The following NCOR2 variants were observed in gnomAD, a reference collection of about 807,000 sequenced individuals.
NCOR2 encodes nuclear receptor corepressor 2.
Under a neutral mutation model 262.9 loss-of-function variants are expected in NCOR2, and 81 were observed. The ratio of observed to expected loss-of-function variants is 0.31; its 90% CI spans 0.26 to 0.37. The LOEUF (loss-of-function observed/expected upper bound fraction) is 0.37, where lower values mean the gene tolerates loss of function less well. NCOR2 is among the 10% of genes least tolerant of loss of function. NCOR2 has a pLI of 1.00. For missense variants in NCOR2, 3,385 were observed against 3,621.4 expected, an observed-to-expected ratio of 0.93 and a Z score of 1.68; for synonymous variants, 1,659 against 1,559.3, an observed-to-expected ratio of 1.06 and a Z score of -1.51.
intron 1 of NCOR2, among the ~76,000 whole-genome samples, chr12:124,525,806 C>A (rs2050436717): frequency 6.6e-6 from 1 of 152,222 alleles, no homozygotes; most frequent in African/African-American, 2.4e-5. Flanking sequence ...CACATCCTAG[C>A]TCTGCCAACT....
At chr12:124,553,586 G>A (rs2051784508) in intron 1 of NCOR2, among the ~76,000 whole-genome samples, 1 of 152,208 alleles carries the variant, frequency 6.6e-6, no homozygotes, top group Non-Finnish European at 1.5e-5. Flanking sequence ...GTCCCCAGCA[G>A]TGCAGAGTCC....
chr12:124,339,009 C>A (rs559344845), intron 37 of NCOR2, among the ~76,000 whole-genome samples: 1 of 144,094 alleles, frequency 6.9e-6, no homozygotes, highest in African/African-American at 2.6e-5. Context: ...GCTAAGCCAG[C>A]GTCTATACTC....
In NCOR2 at chr12:124,449,841, G is replaced by A. The variant is rs763387291; in HGVS notation, c.789C>T (p.Thr263=). Residue 263 remains threonine, a synonymous_variant, in exon 7 of 47, where the codon ACC becomes ACT. Coordinates refer to ENST00000405201, the Ensembl canonical transcript of NCOR2. ...TTTTGATGTTCTCATGATACTGCCG[G>A]GTGTCGGAGGGCTGGTTGTACAGCG... The A allele has an allele frequency of 8.1e-6, 13 of 1,614,084 alleles. No individual in the cohort carries two copies. In the East Asian group the frequency reaches 2.7e-4, roughly 33 times the overall value.
chr12:124,509,974 G>A (rs983073034), intron 1 of NCOR2, among the ~76,000 whole-genome samples: 1 of 152,146 alleles, frequency 6.6e-6, no homozygotes, highest in Non-Finnish European at 1.5e-5. Context: ...AACCAAATGT[G>A]CTGATAAACC....
chr12:124,554,674 G>A (rs980399572), intron 1 of NCOR2, among the ~76,000 whole-genome samples: 7 of 152,238 alleles, frequency 4.6e-5, no homozygotes, highest in African/African-American at 1.7e-4. Flanking sequence ...GCACACACCC[G>A]ATGCGCAGCA....
At chr12:124,437,313 G>A (rs1287658744) in intron 8 of NCOR2, among the ~76,000 whole-genome samples, 1 of 152,174 alleles carries the variant, frequency 6.6e-6, no homozygotes, top group Non-Finnish European at 1.5e-5. Flanking sequence ...TGATGGCCAC[G>A]GCCGCCTGAA....
intron 20 of NCOR2, among the ~76,000 whole-genome samples, chr12:124,368,880 C>T (rs532027753): frequency 5.3e-5 from 8 of 152,376 alleles, no homozygotes; most frequent in South Asian, 2.1e-4. Context: ...CGGCGCCTGG[C>T]GCATGCTGGT....
At position 124,346,517 on chromosome 12, in the gene NCOR2, G is replaced by A. The variant is rs756185927; in HGVS notation, c.4359+47C>T. On this transcript the variant is annotated intron_variant, in intron 31 of 46. Transcript: ENST00000405201. ...CCCAGGGCAGTGCCCCACAGCCACCGCCACCCCTCCTAGAACTGGGCCCGT... is the reference window on the plus strand; with the variant it reads ...CCCAGGGCAGTGCCCCACAGCCACCACCACCCCTCCTAGAACTGGGCCCGT... 9.1e-6 allele frequency: 13 copies of A among 1,424,854 alleles called. No individual in the cohort carries two copies. The Admixed American group carries it at 2.3e-4, about 26-fold the overall frequency. The allele number at this position is 1,424,854 out of a possible 1,614,324, so 88.3% of individuals were successfully genotyped here.
chr12:124,500,604 C>T (rs4765152), intron 1 of NCOR2, among the ~76,000 whole-genome samples: 32,556 of 152,054 alleles, frequency 0.21, 3,509 homozygotes, highest in East Asian at 0.26. Context: ...ATGCCAGCAA[C>T]GCAGTGATGC....
chr12:124,508,031 A>G (rs1017883460), intron 1 of NCOR2, among the ~76,000 whole-genome samples: 2 of 152,198 alleles, frequency 1.3e-5, no homozygotes, highest in Non-Finnish European at 2.9e-5. Flanking sequence ...AATGAGGACA[A>G]ATGTTTCTGC....
chr12:124,531,525 AG>A lies in NCOR2; in HGVS notation c.-118+4039del, dbSNP rs2050772914. 6.6e-6 allele frequency among the ~76,000 whole-genome samples: 1 copy of A among 152,088 alleles called. No individual in the cohort carries two copies. Among genetic ancestry groups the A allele is most frequent in the South Asian group, 2.1e-4 (1 of 4,830 alleles). On this transcript the variant is annotated intron_variant, in intron 1 of 46. Coordinates refer to the NCOR2 transcript ENST00000404621. This position sits in a 1 kb window ranked among gnomAD's most constrained non-coding sequence, Gnocchi z 4.5. The stretch of plus-strand genomic sequence containing the variant: ...AAGGAGGGGTAGGGAGCAGGAAGGA[AG>A]GGGGAGGGGAGGAAGGGATTGCAGG...
chr12:124,413,909 G>A (rs984365585), intron 13 of NCOR2, among the ~76,000 whole-genome samples: 5 of 151,474 alleles, frequency 3.3e-5, no homozygotes, highest in Non-Finnish European at 5.9e-5. Context: ...AGGTGGTGGC[G>A]GGGGGTACTG....
chr12:124,511,841 C>T (rs1206679317), intron 1 of NCOR2, among the ~76,000 whole-genome samples: 1 of 152,206 alleles, frequency 6.6e-6, no homozygotes, highest in Non-Finnish European at 1.5e-5. Flanking sequence ...CAGAGACTGG[C>T]GTCGCCAGCT....
At chr12:124,427,744 G>T (rs1393938338) in intron 10 of NCOR2, among the ~76,000 whole-genome samples, 1 of 152,182 alleles carries the variant, frequency 6.6e-6, no homozygotes, top group Non-Finnish European at 1.5e-5. Flanking sequence ...GTATCCCAGG[G>T]ATGTAATAAT....
rs748552524 is a variant in NCOR2, at chr12:124,356,674, G to A, written c.3209C>T (p.Pro1070Leu). The change falls in exon 23 of 47, where the codon CCG becomes CTG. Residue 1070 changes from proline to leucine, a missense_variant. By Grantham distance (98) the Pro-to-Leu change is moderately conservative. Around this residue, in one of 5 missense-constraint regions of NCOR2, gnomAD observed 1,615 missense variants for 1,626.9 expected, o/e 0.99. Transcript: ENST00000405201. ...AGCGTAGGAGAAGGCTGAGGGGTCCGGGGCATGCGGGGAGGCCTTGATCAC... is the reference window on the plus strand; with the variant it reads ...AGCGTAGGAGAAGGCTGAGGGGTCCAGGGCATGCGGGGAGGCCTTGATCAC... 9 of 1,466,814 alleles carry A rather than the reference G, an allele frequency of 6.1e-6. No homozygotes were observed. The South Asian group carries it at 7.4e-5, about 12-fold the overall frequency. The allele number at this position is 1,466,814 out of a possible 1,614,324, so 90.9% of individuals were successfully genotyped here. A position where few individuals can be genotyped will look rare whatever the true frequency, so the allele number is the denominator to read the frequency against.
At chr12:124,372,533 C>T in exon 20 of NCOR2, 1 of 1,596,348 alleles carries the variant, frequency 6.3e-7, no homozygotes, top group Non-Finnish European at 8.5e-7. Flanking sequence ...GGCTTGGGCC[C>T]ATTCTGCCCT....
intron 1 of NCOR2, among the ~76,000 whole-genome samples, chr12:124,500,646 C>T (rs564120477): frequency 1.3e-5 from 2 of 152,222 alleles, no homozygotes; most frequent in Non-Finnish European, 2.9e-5. Flanking sequence ...CCTCTTCCCA[C>T]CTGGCCGGGC....
intron 5 of NCOR2, among the ~76,000 whole-genome samples, chr12:124,465,510 C>T (rs1268312691): frequency 6.6e-6 from 1 of 152,158 alleles, no homozygotes; most frequent in Non-Finnish European, 1.5e-5. Context: ...TATAGCTGCC[C>T]CCAGTGGGAT....
chr12:124,512,150 G>C (rs1383528058), intron 1 of NCOR2, among the ~76,000 whole-genome samples: 3 of 152,158 alleles, frequency 2.0e-5, no homozygotes, highest in Non-Finnish European at 4.4e-5. Context: ...GGGCTCAAGT[G>C]ATGCGCCCAC....
Sources: gnomAD v4.1 joint callset for allele counts (sites outside exome capture counted in the v4.1 genomes callset) on GRCh38, gnomAD v4.1.1 for gene constraint, gnomAD v4.1.1 regional missense constraint, Gnocchi (gnomAD v3.1) non-coding constraint, MANE v1.5 for transcripts, NCBI Gene and HGNC (gene_info 2026-07-23, HGNC 2026-07-21) for gene names.